WDFY4: variants seen among roughly 807,000 people sequenced by gnomAD.
WDFY4 encodes the protein WD repeat- and FYVE domain-containing protein 4.
WDFY4 carries 169 observed loss-of-function variants against 351.9 expected under a neutral mutation model. The ratio of observed to expected loss-of-function variants is 0.48; its 90% CI spans 0.42 to 0.55. WDFY4 has a LOEUF of 0.55. Among genes scored for constraint, WDFY4 ranks in the 20% least tolerant of loss-of-function variants. The probability of loss-of-function intolerance (pLI) is 0.00; values close to 1 mark genes in which losing one functional copy is unlikely to be tolerated. For synonymous variants in WDFY4, 1,622 were observed against 1,574.6 expected (o/e 1.03, Z -0.71); for missense variants, 3,803 against 3,935.6 (o/e 0.97, Z 0.90).
chr10:48,783,922 A>G (rs2066309189), intron 19 of WDFY4, among the ~76,000 whole-genome samples: 1 of 152,214 alleles, frequency 6.6e-6, no homozygotes, highest in African/African-American at 2.4e-5. Context: ...CCACCATTGC[A>G]TATGTGCTCT....
chr10:48,765,662 A>G (rs2065645394), intron 13 of WDFY4, among the ~76,000 whole-genome samples: 1 of 152,262 alleles, frequency 6.6e-6, no homozygotes, highest in Admixed American at 6.5e-5. Flanking sequence ...ATATTGCTGC[A>G]CTAGTGAGTG....
At chr10:48,782,117 G>C (rs2066245999) in intron 19 of WDFY4, among the ~76,000 whole-genome samples, 1 of 152,228 alleles carries the variant, frequency 6.6e-6, no homozygotes, top group East Asian at 1.9e-4. Context: ...TATCCAGAAG[G>C]TAGAGACACG....
rs2066496734 is a variant in WDFY4 at position 48,787,893 on chromosome 10, C to CTTCTT, written c.3809-637_3809-636insTTCTT. Among the ~76,000 whole-genome samples the CTTCTT allele has an allele frequency of 1.7e-4, 8 of 48,110 alleles. 1 individual carries two copies. Among genetic ancestry groups the CTTCTT allele is most frequent in the East Asian group, 1.6e-3 (3 of 1,886 alleles). The allele number at this position is 48,110 out of a possible 152,430, so 31.6% of individuals were successfully genotyped here. ...TTTCTTCTTTCTTTCTTCTTCTTCT[C>CTTCTT]CTTCTTCTTCTTCTTCTTCTTCTTC... is the stretch of plus-strand genomic sequence containing the variant. On this transcript the variant is annotated intron_variant, in intron 20 of 61. Transcript: ENST00000325239.
At chr10:48,974,700 T>G (rs1842490609) in intron 57 of WDFY4, among the ~76,000 whole-genome samples, 162 bp from the exon 58 acceptor site, 1 of 151,974 alleles carries the variant, frequency 6.6e-6, no homozygotes, top group African/African-American at 2.4e-5. Flanking sequence ...GACACGCACA[T>G]GCACACACCC....
chr10:48,697,856 A>G (rs983182406), intron 1 of WDFY4, among the ~76,000 whole-genome samples: 4 of 151,856 alleles, frequency 2.6e-5, no homozygotes, highest in Non-Finnish European at 4.4e-5. Flanking sequence ...GTCCCACATG[A>G]CTTTAGGTGG....
At chr10:48,951,047 A>G (rs533684330) in intron 51 of WDFY4, among the ~76,000 whole-genome samples, 1 of 152,360 alleles carries the variant, frequency 6.6e-6, no homozygotes, top group Non-Finnish European at 1.5e-5. Context: ...GACTGTGGAC[A>G]GCACAGAGAC....
At chr10:48,762,194 A>G (rs1293907609) in intron 13 of WDFY4, among the ~76,000 whole-genome samples, 1 of 152,232 alleles carries the variant, frequency 6.6e-6, no homozygotes, top group Non-Finnish European at 1.5e-5. Flanking sequence ...TCATAAAAAT[A>G]TTGCAAGTCC....
At chr10:48,969,043 G>A (rs375872336) in intron 55 of WDFY4, 21 bp from the exon 56 acceptor site, 89 of 1,547,228 alleles carry the variant, frequency 5.8e-5, no homozygotes, top group Admixed American at 4.1e-4. Flanking sequence ...GCATAAGTTC[G>A]CCATACTAAC....
In WDFY4 at chr10:48,723,496, T is replaced by C. The variant is rs1458467469; in HGVS notation, c.520T>C (p.Phe174Leu). ...CCTGCTCCTACAGTGCCTTTACCTC[T>C]TCTTTGTCTTTCCTCTGGACAAAGA... ...PALLLQCLYLFFVFPLDKDEL... is the reference protein window; with the variant it reads ...PALLLQCLYLLFVFPLDKDEL... Residue 174 changes from phenylalanine (F) to leucine (L), a missense_variant, in exon 5 of 62, where the codon TTC becomes CTC. Phe to Leu is a conservative substitution (Grantham distance 22). This residue lies in a region of WDFY4 where 488 missense variants were observed against 456.8 expected (regional missense o/e 1.07). Transcript: ENST00000325239. 6.4e-7 allele frequency: 1 copy of C among 1,551,512 alleles called. No individual in the cohort carries two copies. The highest frequency in any genetic ancestry group is 2.4e-5 in the East Asian group (1 of 40,910).
chr10:48,761,440 T>C (rs939528843), intron 13 of WDFY4, among the ~76,000 whole-genome samples: 1 of 152,136 alleles, frequency 6.6e-6, no homozygotes, highest in Non-Finnish European at 1.5e-5. Flanking sequence ...CTGCGGTCCA[T>C]GTGATGTGTG....
chr10:48,725,845 CA>C (rs770967271), intron 5 of WDFY4, 35 bp from the exon 6 acceptor site: 32 of 1,512,622 alleles, frequency 2.1e-5, no homozygotes, highest in Non-Finnish European at 2.9e-5. Context: ...ACTTCCTAAC[CA>C]GGTCTCCTTG....
At chr10:48,886,516 G>C (rs1184201191) in intron 43 of WDFY4, among the ~76,000 whole-genome samples, 1 of 152,202 alleles carries the variant, frequency 6.6e-6, no homozygotes, top group Non-Finnish European at 1.5e-5. Flanking sequence ...GTGGGATCCT[G>C]ATAAAAAGGA....
At chr10:48,755,826 C>G (rs890774487) in intron 12 of WDFY4, among the ~76,000 whole-genome samples, 1 of 152,010 alleles carries the variant, frequency 6.6e-6, no homozygotes, top group Admixed American at 6.6e-5. Flanking sequence ...GATTTCAGTT[C>G]CTTTACCTTT....
intron 39 of WDFY4, among the ~76,000 whole-genome samples, chr10:48,857,113 A>ATG: frequency 6.6e-6 from 1 of 152,338 alleles, no homozygotes; most frequent in Admixed American, 6.5e-5. Context: ...TCAGATAAAA[A>ATG]TGATGTTCTC....
At chr10:48,826,166 C>T (rs74866617) in intron 35 of WDFY4, among the ~76,000 whole-genome samples, 1 of 152,292 alleles carries the variant, frequency 6.6e-6, no homozygotes, top group East Asian at 1.9e-4. Context: ...TTTCGATTTT[C>T]TGTGTACGTC....
chr10:48,802,647 T>A (rs2132848683), intron 24 of WDFY4: 1 of 468,920 alleles, frequency 2.1e-6, no homozygotes. Context: ...ATTTGTTTAC[T>A]ATGAATGAAA....
chr10:48,955,820 T>A (rs1383794712), intron 51 of WDFY4, among the ~76,000 whole-genome samples: 1 of 152,176 alleles, frequency 6.6e-6, no homozygotes, highest in Non-Finnish European at 1.5e-5. Flanking sequence ...CCCTCAGCCC[T>A]CTGAGCAGGG....
rs142464780 is a variant in WDFY4 at position 48,960,924 on chromosome 10, G to GT, written c.8223+1112dup. Among the ~76,000 whole-genome samples the GT allele has an allele frequency of 1.0e-3, 155 of 152,354 alleles. 3 individuals are homozygous for GT. The East Asian group carries it at 0.021, about 21-fold the overall frequency. ...AAATTAGTGGTTCCTAAGATCTGAA[G>GT]TAGGAGAGTGACCACAAAGGAACAC... On this transcript the variant is annotated intron_variant, in intron 53 of 61. Transcript: ENST00000325239.
chr10:48,721,849 C>T (rs1358982690), intron 4 of WDFY4, among the ~76,000 whole-genome samples: 1 of 152,160 alleles, frequency 6.6e-6, no homozygotes, highest in African/African-American at 2.4e-5. Context: ...TTCTAGAACC[C>T]ATGCTCTGAG....
Sources: allele counts gnomAD v4.1 joint callset (sites outside exome capture counted in the v4.1 genomes callset), GRCh38; gene constraint gnomAD v4.1.1; regional missense constraint gnomAD v4.1.1; transcripts MANE v1.5; gene names NCBI Gene and HGNC (gene_info 2026-07-23, HGNC 2026-07-21).